Variants in HES6 observed in about 807,000 individuals in gnomAD.
HES6 encodes the protein hes family bHLH transcription factor 6.
A neutral mutation model predicts 16.4 loss-of-function variants in HES6; 24 were observed. The observed-to-expected ratio is 1.46, with a 90% CI of 1.06 to 2.06. The LOEUF is 2.06. Among genes scored for constraint, HES6 ranks in the 30% most tolerant of loss-of-function variants. The pLI is 0.00. For missense variants in HES6, 355 were observed against 317.6 expected (o/e 1.12, Z -0.90); for synonymous variants, 159 against 144.3 (o/e 1.10, Z -0.73).
chr2:238,238,914 A>C lies in HES6; in HGVS notation c.588T>G (p.Ala196=). The C allele has an allele frequency of 6.3e-7, 1 of 1,588,062 alleles. No homozygotes were observed. The highest frequency in any genetic ancestry group is 8.6e-7 in the Non-Finnish European group (1 of 1,169,328). The change falls in exon 4 of 4, where the codon GCT becomes GCG. Residue 196 remains alanine, a synonymous_variant. Coordinates refer to ENST00000272937, the MANE Select transcript of HES6 (RefSeq NM_018645.6). The part of the protein sequence containing the change: ...EEAPEAELSQ[A]PAEGPDLVPA... ...GCACCAAGTCGGGCCCCTCAGCAGG[A>C]GCCTGACTCAGTTCAGCCTCAGGGG...
Position 238,238,518 on chromosome 2 carries a change from G to C in HES6, c.*309C>G, listed in dbSNP as rs1695213840. 2.4e-6 allele frequency: 1 copy of C among 413,092 alleles called. No individual in the cohort carries two copies. The highest frequency in any genetic ancestry group is 2.1e-5 in the African/African-American group (1 of 47,656). The allele number at this position is 413,092 out of a possible 1,614,324, so 25.6% of individuals were successfully genotyped here. A position where few individuals can be genotyped will look rare whatever the true frequency, so the allele number is the denominator to read the frequency against. ...CACCTCTGCCCCCAGAGCCCGCACA[G>C]GGCTGGTGAAGCCTGGGTGGGTGAA... On this transcript the variant is annotated 3_prime_UTR_variant, in exon 4 of 4. Coordinates refer to ENST00000272937, the MANE Select transcript of HES6 (RefSeq NM_018645.6).
Position 238,239,106 on chromosome 2 carries a change from G to T in HES6, c.396C>A (p.Ser132=), listed in dbSNP as rs775349113. The T allele has an allele frequency of 6.8e-6, 11 of 1,612,498 alleles. No homozygotes were observed. The highest frequency in any genetic ancestry group is 5.0e-5 in the Admixed American group (3 of 60,008). Residue 132 remains serine, a synonymous_variant, in exon 4 of 4, where the codon TCC becomes TCA. Transcript: ENST00000272937. ...AGCTGCTGCCCTCACGCAGCGGCAT[G>T]GACTCGAGCAGATGGTTCAGGAGCT... is the stretch of plus-strand genomic sequence containing the variant. ...AAELLNHLLE[S]MPLREGSSFQ... is the part of the protein sequence containing the mutation.
chr2:238,239,611 G>GGGGGGGGCCCCCCCC, intron 2 of HES6, 43 bp from the exon 3 acceptor site: 11 of 1,135,646 alleles, frequency 9.7e-6, no homozygotes, highest in Non-Finnish European at 1.2e-5. Flanking sequence ...CGCGCTCCCG[G>GGGGGGGGCCCCCCCC]ACCCGCCCGC....
intron 2 of HES6, 43 bp from the exon 3 acceptor site, chr2:238,239,611 G>GGGGGGGGGCCCCCC: frequency 2.6e-6 from 3 of 1,135,654 alleles, no homozygotes; most frequent in Non-Finnish European, 2.2e-6. Context: ...CGCGCTCCCG[G>GGGGGGGGGCCCCCC]ACCCGCCCGC....
rs1400486362 is a variant in HES6, at chr2:238,240,034, G to A, written c.-129C>T. 4 of 427,192 alleles carry A rather than the reference G, an allele frequency of 9.4e-6. No homozygotes were observed. Among genetic ancestry groups the A allele is most frequent in the South Asian group, 2.2e-4 (2 of 9,076 alleles). 26.5% of individuals were successfully genotyped at this position (427,192 alleles called of 1,614,324 possible). ...CAGCCCAGCCGTCCGCGCTCCTCGCGGCTTCCGGCCCGCCGCGGTCCCGCC... is the reference window on the plus strand; with the variant it reads ...CAGCCCAGCCGTCCGCGCTCCTCGCAGCTTCCGGCCCGCCGCGGTCCCGCC... On this transcript the variant is annotated 5_prime_UTR_variant, in exon 1 of 4. Transcript: ENST00000272937.
Position 238,239,102 on chromosome 2 carries a change from G to GC in HES6, c.399dup (p.Pro134AlafsTer4). 6.2e-7 allele frequency: 1 copy of GC among 1,612,594 alleles called. No homozygotes were observed. Among genetic ancestry groups the GC allele is most frequent in the Non-Finnish European group, 8.5e-7 (1 of 1,179,916 alleles). On this transcript the variant is annotated frameshift_variant, in exon 4 of 4. Coordinates refer to ENST00000272937, the MANE Select transcript of HES6 (RefSeq NM_018645.6). LOFTEE classifies it low-confidence loss of function (END_TRUNC). ...TGGAAGCTGCTGCCCTCACGCAGCG[G>GC]CATGGACTCGAGCAGATGGTTCAGG...
Position 238,238,822 on chromosome 2 carries a change from A to T in HES6, c.*5T>A, listed in dbSNP as rs1695223575. ...CCACCCCCGCAGGACTCTGGCTGGC[A>T]TTGGTCACCAAGGCCTCCAGACACT... On this transcript the variant is annotated 3_prime_UTR_variant, in exon 4 of 4. Transcript: ENST00000272937. The T allele has an allele frequency of 1.3e-6, 2 of 1,554,228 alleles. No individual in the cohort carries two copies. The highest frequency in any genetic ancestry group is 1.9e-5 in the Admixed American group (1 of 53,356).
Position 238,238,961 on chromosome 2 carries a change from G to A in HES6, c.541C>T (p.Leu181=), listed in dbSNP as rs1401816339. The A allele has an allele frequency of 1.9e-6, 3 of 1,602,604 alleles. No homozygotes were observed. Among genetic ancestry groups the A allele is most frequent in the East Asian group, 2.3e-5 (1 of 44,274 alleles). ...GGGGCCTCCTCCAGGTCGGAGCACA[G>A]GTCGTCCCCAGGACCCGGGGGGCTG... is the stretch of plus-strand genomic sequence containing the variant. ...IPSPPGPGDD[L]CSDLEEAPEA... is the part of the protein sequence containing the mutation. Residue 181 remains leucine (L), a synonymous_variant, in exon 4 of 4, where the codon CTG becomes TTG. Coordinates refer to ENST00000272937, the MANE Select transcript of HES6 (RefSeq NM_018645.6).
chr2:238,239,575 G>A lies in HES6; in HGVS notation c.169-7C>T. On this transcript the variant is annotated splice_polypyrimidine_tract_variant and splice_region_variant and intron_variant, in intron 2 of 3. Transcript: ENST00000272937. ...TCTCCAGCTTGGCCTGCACCTGCGC[G>A]GGCGGGAAGGGCGGTGAGCCGGCAG... The A allele has an allele frequency of 8.2e-7, 1 of 1,215,820 alleles. No homozygotes were observed. The highest frequency in any genetic ancestry group is 1.0e-6 in the Non-Finnish European group (1 of 979,022). 75.3% of individuals were successfully genotyped at this position (1,215,820 alleles called of 1,614,324 possible).
At position 238,240,012 on chromosome 2, in the gene HES6, C is replaced by T. The variant is rs1309901110; in HGVS notation, c.-107G>A. The T allele has an allele frequency of 1.2e-5, 7 of 596,374 alleles. No individual in the cohort carries two copies. The highest frequency in any genetic ancestry group is 1.9e-5 in the African/African-American group (1 of 51,296). The allele number at this position is 596,374 out of a possible 1,614,324, so 36.9% of individuals were successfully genotyped here. ...CTGCCCCGCGGCCGCCCAGCAGCAGCCCAGCCGTCCGCGCTCCTCGCGGCT... is the reference window on the plus strand; with the variant it reads ...CTGCCCCGCGGCCGCCCAGCAGCAGTCCAGCCGTCCGCGCTCCTCGCGGCT... On this transcript the variant is annotated 5_prime_UTR_variant, in exon 1 of 4. Transcript: ENST00000272937.
rs758647484 is a variant in HES6 at position 238,239,271 on chromosome 2, GGAGA to G, written c.251-24_251-21del. 1.3e-6 allele frequency: 2 copies of G among 1,594,408 alleles called. No individual in the cohort carries two copies. Among genetic ancestry groups the G allele is most frequent in the African/African-American group, 2.7e-5 (2 of 74,308 alleles). Reference sequence around the variant, plus strand: ...CGCGCTCTGGGCCCGAGGGTGGGAGGGAGAGAGCCGCGTCCCGCGCGGTGAGCGG... The same window carrying G: ...CGCGCTCTGGGCCCGAGGGTGGGAGGGAGCCGCGTCCCGCGCGGTGAGCGG... On this transcript the variant is annotated intron_variant, in intron 3 of 3. Coordinates refer to ENST00000272937, the MANE Select transcript of HES6 (RefSeq NM_018645.6).
Position 238,238,938 on chromosome 2 carries a change from G to A in HES6, c.564C>T (p.Ala188=), listed in dbSNP as rs750805269. Residue 188 remains alanine, a synonymous_variant, in exon 4 of 4, where the codon GCC becomes GCT. Coordinates refer to ENST00000272937, the MANE Select transcript of HES6 (RefSeq NM_018645.6). ...GDDLCSDLEE[A]PEAELSQAPA... is the part of the protein sequence containing the mutation. Reference sequence around the variant, plus strand: ...GAGCCTGACTCAGTTCAGCCTCAGGGGCCTCCTCCAGGTCGGAGCACAGGT... The same window carrying A: ...GAGCCTGACTCAGTTCAGCCTCAGGAGCCTCCTCCAGGTCGGAGCACAGGT... The A allele has an allele frequency of 5.6e-6, 9 of 1,597,818 alleles. No homozygotes were observed. The Admixed American group carries it at 1.2e-4, about 21-fold the overall frequency.
At position 238,239,095 on chromosome 2, in the gene HES6, C is replaced by T. The variant is rs557696613; in HGVS notation, c.407G>A (p.Arg136His). The change falls in exon 4 of 4, where the codon CGT becomes CAT. Residue 136 changes from arginine to histidine, a missense_variant. By Grantham distance (29) the Arg-to-His change is conservative. Coordinates refer to ENST00000272937, the MANE Select transcript of HES6 (RefSeq NM_018645.6). ...CAGATCCTGGAAGCTGCTGCCCTCA[C>T]GCAGCGGCATGGACTCGAGCAGATG... The part of the protein sequence containing the change: ...LNHLLESMPL[R>H]EGSSFQDLLG... The T allele has an allele frequency of 5.0e-6, 8 of 1,612,594 alleles. No homozygotes were observed. The highest frequency in any genetic ancestry group is 1.7e-5 in the Admixed American group (1 of 60,030).
chr2:238,239,751 C>T lies in HES6; in HGVS notation c.82-4G>A. ...TCTCCACCAGGGGCTTCCGGGCCTG[C>T]GGGGAGCGGGGCACTGAATCCCAGC... is the stretch of plus-strand genomic sequence containing the variant. On this transcript the variant is annotated splice_region_variant and splice_polypyrimidine_tract_variant and intron_variant, in intron 1 of 3. Coordinates refer to ENST00000272937, the MANE Select transcript of HES6 (RefSeq NM_018645.6). 2.2e-6 allele frequency: 3 copies of T among 1,391,804 alleles called. No individual in the cohort carries two copies. Among genetic ancestry groups the T allele is most frequent in the Non-Finnish European group, 2.8e-6 (3 of 1,065,250 alleles). The allele number at this position is 1,391,804 out of a possible 1,614,324, so 86.2% of individuals were successfully genotyped here.
Position 238,239,187 on chromosome 2 carries a change from G to T in HES6, c.315C>A (p.His105Gln). 6.2e-7 allele frequency: 1 copy of T among 1,612,284 alleles called. No homozygotes were observed. Among genetic ancestry groups the T allele is most frequent in the Non-Finnish European group, 8.5e-7 (1 of 1,179,868 alleles). Reference sequence around the variant, plus strand: ...ACGTGGACACGAACGTGTGCACCTCGTGCATGCACTGGATGTAGCCGGCAG... The same window carrying T: ...ACGTGGACACGAACGTGTGCACCTCTTGCATGCACTGGATGTAGCCGGCAG... The part of the protein sequence containing the change: ...RFAAGYIQCM[H>Q]EVHTFVSTCQ... The change falls in exon 4 of 4, where the codon CAC becomes CAA. Residue 105 changes from histidine (H) to glutamine (Q), a missense_variant. By Grantham distance (24) the His-to-Gln change is conservative. Transcript: ENST00000272937.
Position 238,239,956 on chromosome 2 carries a change from G to A in HES6, c.-51C>T, listed in dbSNP as rs1695273850. 4 of 1,139,142 alleles carry A rather than the reference G, an allele frequency of 3.5e-6. No homozygotes were observed. The highest frequency in any genetic ancestry group is 3.2e-5 in the African/African-American group (2 of 61,884). 70.6% of individuals were successfully genotyped at this position (1,139,142 alleles called of 1,614,324 possible). On this transcript the variant is annotated 5_prime_UTR_variant, in exon 1 of 4. Coordinates refer to ENST00000272937, the MANE Select transcript of HES6 (RefSeq NM_018645.6). ...GGGCTAGGAGCAGCGGGGACGGGGA[G>A]CGGCGGGGACCGGAGTGCCGGCGCC...
Position 238,239,483 on chromosome 2 carries a change from T to C in HES6, c.250+4A>G. ...GCGCCCCCGCCCGCCCCGCCGCCACTCACCGCGCGCCCGGCCCCGCAGCAC... is the reference window on the plus strand; with the variant it reads ...GCGCCCCCGCCCGCCCCGCCGCCACCCACCGCGCGCCCGGCCCCGCAGCAC... On this transcript the variant is annotated splice_donor_region_variant and intron_variant, in intron 3 of 3. Coordinates refer to ENST00000272937, the MANE Select transcript of HES6 (RefSeq NM_018645.6). The C allele has an allele frequency of 8.4e-7, 1 of 1,188,782 alleles. No homozygotes were observed. The highest frequency in any genetic ancestry group is 2.8e-5 in the South Asian group (1 of 35,436). The allele number at this position is 1,188,782 out of a possible 1,614,324, so 73.6% of individuals were successfully genotyped here. A position where few individuals can be genotyped will look rare whatever the true frequency, so the allele number is the denominator to read the frequency against.
intron 2 of HES6, 43 bp from the exon 3 acceptor site, chr2:238,239,611 G>GGGGGGGCCCCCCCC: frequency 6.2e-6 from 7 of 1,135,664 alleles, no homozygotes; most frequent in Non-Finnish European, 7.6e-6. Flanking sequence ...CGCGCTCCCG[G>GGGGGGGCCCCCCCC]ACCCGCCCGC....
chr2:238,239,323 C>T (rs771699955), intron 3 of HES6, 72 bp from the exon 4 acceptor site: 2 of 1,471,628 alleles, frequency 1.4e-6, no homozygotes, highest in East Asian at 2.5e-5. Context: ...CCAGCCCACC[C>T]GGCCCGCGGG....
Sources: allele counts gnomAD v4.1 joint callset, GRCh38; gene constraint gnomAD v4.1.1; transcripts MANE v1.5; gene names NCBI Gene and HGNC (gene_info 2026-07-23, HGNC 2026-07-21).